The following UNC93A variants were observed in gnomAD, a reference collection of about 807,000 sequenced individuals.
UNC93A encodes the protein N-acetylglucosamine transporter UNC93A.
UNC93A carries 43 observed loss-of-function variants against 47.5 expected under a neutral mutation model. That is an observed-to-expected ratio of 0.91 (90% CI 0.71 to 1.17). The LOEUF is 1.17. Among genes scored for constraint, UNC93A ranks in the 50% most tolerant of loss-of-function variants. The probability of loss-of-function intolerance (pLI) is 0.00; values close to 1 mark genes in which losing one functional copy is unlikely to be tolerated. For synonymous variants in UNC93A, 280 were observed against 258.0 expected, an observed-to-expected ratio of 1.09 and a Z score of -0.82; for missense variants, 605 against 577.6, an observed-to-expected ratio of 1.05 and a Z score of -0.49.
chr6:167,308,742 G>A, intron 7 of UNC93A, among the ~76,000 whole-genome samples: 1 of 152,142 alleles, frequency 6.6e-6, no homozygotes, highest in African/African-American at 2.4e-5. Context: ...ACTGGAAGCA[G>A]CAGAAAGCGC....
At chr6:167,283,742 T>C (rs1783673420) in intron 1 of UNC93A, among the ~76,000 whole-genome samples, 2 of 152,240 alleles carry the variant, frequency 1.3e-5, no homozygotes, top group Middle Eastern at 3.4e-3. Context: ...GAATAAGAGG[T>C]AACAGAGACC....
At chr6:167,301,381 C>T (rs1778236116) in intron 4 of UNC93A, among the ~76,000 whole-genome samples, 1 of 152,226 alleles carries the variant, frequency 6.6e-6, no homozygotes, top group African/African-American at 2.4e-5. Flanking sequence ...CTGCAGGATC[C>T]TGTGTGTGTC....
chr6:167,286,554 A>G (rs1783736836), upstream of UNC93A, among the ~76,000 whole-genome samples: 1 of 152,198 alleles, frequency 6.6e-6, no homozygotes, highest in South Asian at 2.1e-4. Context: ...ACAAAGTTCA[A>G]ATTGTATGGA....
At chr6:167,276,243 C>A (rs1783541651) in intron 1 of UNC93A, among the ~76,000 whole-genome samples, 1 of 151,960 alleles carries the variant, frequency 6.6e-6, no homozygotes, top group Non-Finnish European at 1.5e-5. Context: ...CATTCTTCAT[C>A]CATTCATCTG....
intron 6 of UNC93A, among the ~76,000 whole-genome samples, chr6:167,306,301 G>A (rs1350772313): frequency 1.3e-5 from 2 of 152,202 alleles, no homozygotes; most frequent in Admixed American, 6.5e-5. Flanking sequence ...TGCCTGCTCC[G>A]AGTGGGCACT....
At chr6:167,279,276 G>A (rs112997468) in intron 1 of UNC93A, among the ~76,000 whole-genome samples, 1 of 152,174 alleles carries the variant, frequency 6.6e-6, no homozygotes, top group Admixed American at 6.5e-5. Flanking sequence ...GAGAAAGAGA[G>A]AGGGACATTC....
Position 167,304,256 on chromosome 6 carries a change from G to T in UNC93A, c.840+123G>T. ...CTGCCCAGGGCTGGGGCTGGAGGGA[G>T]CGGGGTCCTATGCTCCCAGTGCTAC... On this transcript the variant is annotated intron_variant, in intron 5 of 7. Coordinates refer to ENST00000230256, the MANE Select transcript of UNC93A (RefSeq NM_018974.4). The T allele has an allele frequency of 1.4e-5, 15 of 1,074,214 alleles. No homozygotes were observed. In the South Asian group the frequency reaches 2.1e-4, roughly 15 times the overall value. The allele number at this position is 1,074,214 out of a possible 1,614,324, so 66.5% of individuals were successfully genotyped here. A position where few individuals can be genotyped will look rare whatever the true frequency, so the allele number is the denominator to read the frequency against.
chr6:167,280,226 T>C (rs1052466898), intron 1 of UNC93A, among the ~76,000 whole-genome samples: 8 of 152,052 alleles, frequency 5.3e-5, no homozygotes, highest in South Asian at 2.1e-4. Context: ...GCCTTGAGAG[T>C]GGCTCCTACC....
intron 4 of UNC93A, among the ~76,000 whole-genome samples, chr6:167,301,531 CA>C (rs1778240152): frequency 6.6e-6 from 1 of 152,176 alleles, no homozygotes; most frequent in Non-Finnish European, 1.5e-5. Flanking sequence ...AAGTTTCTTG[CA>C]AAGAGCCATT....
chr6:167,306,540 A>G (rs1337430764), intron 6 of UNC93A, among the ~76,000 whole-genome samples: 1 of 152,210 alleles, frequency 6.6e-6, no homozygotes, highest in African/African-American at 2.4e-5. Context: ...AAGGGAAGAG[A>G]TGAGTCAGAG....
In UNC93A at chr6:167,304,052, A is replaced by T. The variant is rs572624040; in HGVS notation, c.759A>T (p.Arg253Ser). Residue 253 changes from arginine (R) to serine (S), a missense_variant, in exon 5 of 8, where the codon AGA becomes AGT. Coordinates refer to ENST00000230256, the MANE Select transcript of UNC93A (RefSeq NM_018974.4). ...TACTGTCGACTTTCAAGCTATATAG[A>T]GATAAACGTCTGTGCCTCTTAATTC... ...STLLSTFKLY[R>S]DKRLCLLILL... The T allele has an allele frequency of 2.5e-6, 4 of 1,614,016 alleles. No homozygotes were observed. In the South Asian group the frequency reaches 4.4e-5, roughly 18 times the overall value.
chr6:167,272,695 T>G (rs1417558585), intron 1 of UNC93A, among the ~76,000 whole-genome samples: 7 of 152,228 alleles, frequency 4.6e-5, no homozygotes, highest in Admixed American at 4.6e-4. Flanking sequence ...ATAGGTAGAT[T>G]TGAAAATGTT....
At chr6:167,307,628 CGGTTGAGAT>C (rs937496047) in intron 6 of UNC93A, 142 bp from the exon 7 acceptor site, 22 of 909,168 alleles carry the variant, frequency 2.4e-5, no homozygotes, top group East Asian at 1.1e-4. Flanking sequence ...TTCCAGAGGA[CGGTTGAGAT>C]GGTTGAGATG....
intron 7 of UNC93A, among the ~76,000 whole-genome samples, chr6:167,309,578 C>T (rs1360365303): frequency 6.6e-6 from 1 of 152,080 alleles, no homozygotes; most frequent in Non-Finnish European, 1.5e-5. Context: ...GGGAAACACT[C>T]GGGGCTTAGA....
rs1417086028 is a variant in UNC93A, at chr6:167,307,901, C to T, written c.1099C>T (p.Gln367Ter). 4.3e-6 allele frequency: 7 copies of T among 1,613,520 alleles called. No individual in the cohort carries two copies. Among genetic ancestry groups the T allele is most frequent in the Non-Finnish European group, 5.9e-6 (7 of 1,179,752 alleles). Reference protein sequence around the residue: ...WGVADAVWQTQNNALYGVLFE... With the variant: ...WGVADAVWQT Reference sequence around the variant, plus strand: ...CGTGGCAGATGCCGTCTGGCAGACACAAAACAATGGTGAGTCCCCAGCCCA... The same window carrying T: ...CGTGGCAGATGCCGTCTGGCAGACATAAAACAATGGTGAGTCCCCAGCCCA... The change falls in exon 7 of 8, where the codon CAA (glutamine) becomes TAA (stop). Residue 367 changes from glutamine (Q) to a stop codon, truncating the protein, a stop_gained. Coordinates refer to ENST00000230256, the MANE Select transcript of UNC93A (RefSeq NM_018974.4). LOFTEE classifies it high-confidence loss of function.
intron 6 of UNC93A, among the ~76,000 whole-genome samples, chr6:167,307,423 GACGGTTGA>G: frequency 6.6e-6 from 1 of 152,218 alleles, no homozygotes; most frequent in African/African-American, 2.4e-5. Flanking sequence ...GGATGGTTGA[GACGGTTGA>G]GATGGTTGAG....
At chr6:167,277,087 G>A (rs533859827) in intron 1 of UNC93A, among the ~76,000 whole-genome samples, 47 of 152,326 alleles carry the variant, frequency 3.1e-4, no homozygotes, top group African/African-American at 1.1e-3. Flanking sequence ...CAGTGGGCCG[G>A]GGGCACGTTA....
At chr6:167,300,790 A>T (rs1364182561) in intron 4 of UNC93A, among the ~76,000 whole-genome samples, 3 of 152,150 alleles carry the variant, frequency 2.0e-5, no homozygotes, top group Admixed American at 6.5e-5. Context: ...GGGGACATTG[A>T]GCTGAGTCAA....
At chr6:167,269,646 G>T (rs766439965), upstream of UNC93A, among the ~76,000 whole-genome samples, 2 of 151,752 alleles carry the variant, frequency 1.3e-5, no homozygotes, top group Admixed American at 1.3e-4. Context: ...TTGCTCTGTC[G>T]CCCAGGCTAG....
Sources: allele counts gnomAD v4.1 joint callset (sites outside exome capture counted in the v4.1 genomes callset), GRCh38; gene constraint gnomAD v4.1.1; transcripts MANE v1.5; gene names NCBI Gene and HGNC (gene_info 2026-07-23, HGNC 2026-07-21).